USP7: variants seen among roughly 807,000 people sequenced by gnomAD.
The protein encoded by USP7 is ubiquitin specific peptidase 7.
Under a neutral mutation model 162.9 loss-of-function variants are expected in USP7, and 9 were observed. That is an observed-to-expected ratio of 0.06 (90% CI 0.03 to 0.10). USP7 has a LOEUF of 0.10. USP7 is among the 10% of genes least tolerant of loss of function. The pLI is 1.00. For missense variants in USP7, 715 were observed against 1,373.7 expected (o/e 0.52, Z 7.58); for synonymous variants, 562 against 475.9 (o/e 1.18, Z -2.35).
In USP7 at chr16:8,930,321, G is replaced by T. The variant is rs1898245568; in HGVS notation, c.156C>A (p.His52Gln). The T allele has an allele frequency of 6.2e-7, 1 of 1,613,272 alleles. No homozygotes were observed. The highest frequency in any genetic ancestry group is 1.3e-5 in the African/African-American group (1 of 74,862). The change falls in exon 2 of 31, where the codon CAC becomes CAA. Residue 52 changes from histidine (H) to glutamine (Q), a missense_variant. His to Gln is a conservative substitution (Grantham distance 24). Around this residue, in one of 11 missense-constraint regions of USP7, gnomAD observed 137 missense variants for 123.5 expected, o/e 1.11. Coordinates refer to ENST00000344836, the MANE Select transcript of USP7 (RefSeq NM_003470.3). The stretch of plus-strand genomic sequence containing the variant: ...CCTCCATGTCCTCCTCCGCGGTGTT[G>T]TGTCCATCACTCAGGGCCACATTCC... The part of the protein sequence containing the change: ...INGNVALSDG[H>Q]NTAEEDMEDD...
rs371233731 is a variant in USP7 at position 8,961,287 on chromosome 16, G to A, written c.79+1920C>T. Among the ~76,000 whole-genome samples, 21 of 152,162 alleles carry A rather than the reference G, an allele frequency of 1.4e-4. No individual in the cohort carries two copies. The East Asian group carries it at 2.3e-3, about 17-fold the overall frequency. On this transcript the variant is annotated intron_variant, in intron 1 of 30. Transcript: ENST00000344836. The stretch of plus-strand genomic sequence containing the variant: ...GCGGGCAGATCACCTGAGGTCGGGA[G>A]TTCGAGACCAGCCTGACCAACATGG...
chr16:8,904,271 G>A (rs909554467), intron 15 of USP7, among the ~76,000 whole-genome samples, 164 bp downstream of exon 15: 2 of 152,162 alleles, frequency 1.3e-5, no homozygotes, highest in Non-Finnish European at 2.9e-5. Flanking sequence ...GACCCAAGGG[G>A]TCCCAGAGGA....
chr16:8,916,409 T>A, intron 8 of USP7, 93 bp downstream of exon 8: 1 of 630,396 alleles, frequency 1.6e-6, no homozygotes, highest in African/African-American at 2.7e-5. Flanking sequence ...GGGCATTTTC[T>A]GAATTAGGTC....
intron 14 of USP7, 91 bp from the exon 15 acceptor site, chr16:8,904,656 C>G: frequency 6.5e-7 from 1 of 1,539,276 alleles, no homozygotes; most frequent in Admixed American, 1.9e-5. Flanking sequence ...ATAAAATAAT[C>G]TATTAGGCCG....
At chr16:8,919,912 C>T (rs1567224448) in intron 5 of USP7, among the ~76,000 whole-genome samples, 2 of 152,152 alleles carry the variant, frequency 1.3e-5, no homozygotes, top group South Asian at 2.1e-4. Flanking sequence ...ATACACCTAA[C>T]GGCCTTGTCA....
chr16:8,937,961 G>C (rs1898843055), intron 1 of USP7, among the ~76,000 whole-genome samples: 2 of 152,134 alleles, frequency 1.3e-5, no homozygotes, highest in African/African-American at 4.8e-5. Context: ...AGTATTTCAT[G>C]AATCAGTAAC....
intron 1 of USP7, among the ~76,000 whole-genome samples, chr16:8,938,484 A>G (rs184929956): frequency 2.6e-5 from 4 of 152,250 alleles, no homozygotes; most frequent in Admixed American, 2.6e-4. Flanking sequence ...AGGCCGAGGC[A>G]GGTGGATCAC....
At chr16:8,896,340 C>A (rs755267621) in intron 26 of USP7, among the ~76,000 whole-genome samples, 1 of 152,130 alleles carries the variant, frequency 6.6e-6, no homozygotes, top group Non-Finnish European at 1.5e-5. Flanking sequence ...AATTCACATT[C>A]AGCTGATAGT....
intron 1 of USP7, among the ~76,000 whole-genome samples, chr16:8,936,951 C>CCGAGAAAGT (rs1815323226): frequency 6.6e-6 from 1 of 152,058 alleles, no homozygotes; most frequent in Non-Finnish European, 1.5e-5. Context: ...TGTTAACAAC[C>CCGAGAAAGT]CGAGAAAGTC....
chr16:8,955,591 G>A (rs771315377), intron 1 of USP7, among the ~76,000 whole-genome samples: 3 of 151,044 alleles, frequency 2.0e-5, no homozygotes, highest in Non-Finnish European at 4.4e-5. Context: ...CTGTAGTCCT[G>A]GCTACTTGGG....
At chr16:8,961,190 A>T (rs116253007) in intron 1 of USP7, among the ~76,000 whole-genome samples, 2,234 of 152,230 alleles carry the variant, frequency 0.015, 55 homozygotes, top group African/African-American at 0.049. Flanking sequence ...AACACCCTCT[A>T]GTCTTTTAAA....
Position 8,910,901 on chromosome 16 carries a change from T to C in USP7, c.1079-74A>G, listed in dbSNP as rs1045949957. 5 of 1,237,878 alleles carry C rather than the reference T, an allele frequency of 4.0e-6. No homozygotes were observed. In the African/African-American group the frequency reaches 5.9e-5, roughly 15 times the overall value. 76.7% of individuals were successfully genotyped at this position (1,237,878 alleles called of 1,614,324 possible). On this transcript the variant is annotated intron_variant, in intron 10 of 30. Coordinates refer to ENST00000344836, the MANE Select transcript of USP7 (RefSeq NM_003470.3). ...TGTAGCCAACACAGGTGTAAGTTATTTAAATCAGCATATTTAGGATTAGCA... is the reference window on the plus strand; with the variant it reads ...TGTAGCCAACACAGGTGTAAGTTATCTAAATCAGCATATTTAGGATTAGCA...
At chr16:8,902,208 G>T (rs760698171) in intron 17 of USP7, 21 bp from the exon 18 acceptor site, 22 of 1,610,262 alleles carry the variant, frequency 1.4e-5, no homozygotes, top group Non-Finnish European at 1.9e-5. Flanking sequence ...AAGAGACGCT[G>T]ATTTTAGAAG....
chr16:8,912,335 C>T (rs989632547), intron 10 of USP7, among the ~76,000 whole-genome samples: 32 of 151,726 alleles, frequency 2.1e-4, no homozygotes, highest in African/African-American at 7.5e-4. Flanking sequence ...ACCTGTAATC[C>T]CAGCTACTCA....
chr16:8,896,512 C>A (rs1235049549), intron 26 of USP7, among the ~76,000 whole-genome samples: 1 of 152,304 alleles, frequency 6.6e-6, no homozygotes, highest in East Asian at 1.9e-4. Context: ...GCCCATCTCT[C>A]TGAAATAAAC....
At chr16:8,950,160 A>C (rs902384244) in intron 1 of USP7, among the ~76,000 whole-genome samples, 5 of 152,234 alleles carry the variant, frequency 3.3e-5, no homozygotes, top group African/African-American at 1.2e-4. Flanking sequence ...GAGACCAAAA[A>C]ACCAAATATT....
chr16:8,909,684 T>G (rs2061913970), intron 11 of USP7, among the ~76,000 whole-genome samples: 1 of 152,150 alleles, frequency 6.6e-6, no homozygotes, highest in Non-Finnish European at 1.5e-5. Context: ...TCCCAGCACT[T>G]TGGGAGGCCG....
At chr16:8,898,292 TG>T in intron 25 of USP7, 67 bp downstream of exon 25, 1 of 1,292,510 alleles carries the variant, frequency 7.7e-7, no homozygotes. Flanking sequence ...TTTCAATGTC[TG>T]GGGACAGGTA....
Position 8,901,337 on chromosome 16 carries a change from A to G in USP7, c.2048-103T>C, listed in dbSNP as rs570556294. ...AAAAAAACGAAAAAAAAAAAACAGT[A>G]AGCTGAATAGCTCAATGACAAGTGA... On this transcript the variant is annotated intron_variant, in intron 18 of 30. Transcript: ENST00000344836. The G allele has an allele frequency of 5.4e-6, 4 of 747,594 alleles. No homozygotes were observed. In the East Asian group the frequency reaches 7.9e-5, roughly 15 times the overall value. The allele number at this position is 747,594 out of a possible 1,614,324, so 46.3% of individuals were successfully genotyped here. A position where few individuals can be genotyped will look rare whatever the true frequency, so the allele number is the denominator to read the frequency against.
Sources: gnomAD v4.1 joint callset for allele counts (sites outside exome capture counted in the v4.1 genomes callset) on GRCh38, gnomAD v4.1.1 for gene constraint, gnomAD v4.1.1 regional missense constraint, MANE v1.5 for transcripts, NCBI Gene and HGNC (gene_info 2026-07-23, HGNC 2026-07-21) for gene names.